Variants in PLEKHB2 observed in about 807,000 individuals in gnomAD.
The protein encoded by PLEKHB2 is pleckstrin homology domain containing B2, also known as pleckstrin homology domain-containing family B member 2.
Under a neutral mutation model 36.5 loss-of-function variants are expected in PLEKHB2, and 31 were observed. That is an observed-to-expected ratio of 0.85 (90% CI 0.64 to 1.15). PLEKHB2 has a LOEUF of 1.15. Among genes scored for constraint, PLEKHB2 ranks in the 50% most tolerant of loss-of-function variants. The probability of loss-of-function intolerance (pLI) is 0.00; values close to 1 mark genes in which losing one functional copy is unlikely to be tolerated. For missense variants in PLEKHB2, 262 were observed against 295.3 expected, an observed-to-expected ratio of 0.89 and a Z score of 0.83; for synonymous variants, 119 against 112.0, an observed-to-expected ratio of 1.06 and a Z score of -0.39.
intron 5 of PLEKHB2, 97 bp from the exon 6 acceptor site, chr2:131,132,805 A>T (rs1471764256): frequency 8.3e-6 from 6 of 725,624 alleles, no homozygotes; most frequent in Admixed American, 6.8e-5. Flanking sequence ...TTGTTTTTTT[A>T]AATTTTTAAT....
intron 1 of PLEKHB2, among the ~76,000 whole-genome samples, chr2:131,116,106 T>C (rs1202368903): frequency 2.6e-5 from 4 of 152,236 alleles, no homozygotes; most frequent in Non-Finnish European, 5.9e-5. Context: ...GTTTAAGTTC[T>C]TTTCTGTCTC....
At chr2:131,146,579 G>T in intron 7 of PLEKHB2, 58 bp from the exon 8 acceptor site, 1 of 1,540,072 alleles carries the variant, frequency 6.5e-7, no homozygotes. Context: ...GGTACTTTGC[G>T]TGATGTTAAA....
intron 6 of PLEKHB2, among the ~76,000 whole-genome samples, chr2:131,133,554 A>G (rs1697935208): frequency 6.6e-6 from 1 of 152,224 alleles, no homozygotes; most frequent in South Asian, 2.1e-4. Context: ...TTAATATTCG[A>G]TCAAATTAAA....
intron 2 of PLEKHB2, among the ~76,000 whole-genome samples, chr2:131,122,456 C>T (rs1167819987): frequency 6.6e-6 from 1 of 152,154 alleles, no homozygotes; most frequent in Non-Finnish European, 1.5e-5. Context: ...TGATGGCATA[C>T]CTGAGATGGT....
intron 1 of PLEKHB2, among the ~76,000 whole-genome samples, chr2:131,107,156 A>G (rs933569233): frequency 3.9e-5 from 6 of 152,242 alleles, no homozygotes; most frequent in Non-Finnish European, 8.8e-5. Context: ...AAGAAATTAA[A>G]GAATTACCTT....
At chr2:131,110,888 C>T (rs112822050) in intron 1 of PLEKHB2, among the ~76,000 whole-genome samples, 3,271 of 152,216 alleles carry the variant, frequency 0.021, 118 homozygotes, top group African/African-American at 0.074. Flanking sequence ...ATTCATCATG[C>T]TGGACAGTCA....
intron 4 of PLEKHB2, among the ~76,000 whole-genome samples, chr2:131,129,849 T>C (rs1348442494): frequency 6.6e-6 from 1 of 151,918 alleles, no homozygotes; most frequent in Non-Finnish European, 1.5e-5. Context: ...AGATATCTAG[T>C]TTTTTTTGAC....
chr2:131,114,733 A>G (rs559012596), intron 1 of PLEKHB2, among the ~76,000 whole-genome samples: 2 of 152,176 alleles, frequency 1.3e-5, no homozygotes, highest in Admixed American at 6.5e-5. Context: ...CCAGTTCCCA[A>G]CTAGTTCCTC....
intron 6 of PLEKHB2, among the ~76,000 whole-genome samples, chr2:131,136,867 G>A (rs1398286768): frequency 6.6e-6 from 1 of 151,576 alleles, no homozygotes; most frequent in Non-Finnish European, 1.5e-5. Flanking sequence ...AATCTCCAGT[G>A]AAACTGTCAG....
chr2:131,121,624 C>T lies in PLEKHB2; in HGVS notation c.37+646C>T, dbSNP rs528503676. 2.0e-5 allele frequency among the ~76,000 whole-genome samples: 3 copies of T among 152,268 alleles called. No individual in the cohort carries two copies. The South Asian group carries it at 6.2e-4, about 32-fold the overall frequency. ...CAGCTGAGATACTGGAACAGAGGTG[C>T]TGGTCTCTCTGCCTGTCTTATCTGG... On this transcript the variant is annotated intron_variant, in intron 2 of 7. Transcript: ENST00000693505.
intron 2 of PLEKHB2, among the ~76,000 whole-genome samples, chr2:131,121,998 A>G (rs1170603173): frequency 6.6e-6 from 1 of 152,118 alleles, no homozygotes; most frequent in Non-Finnish European, 1.5e-5. Context: ...TCCCAGGTTC[A>G]AGTAATTCTC....
chr2:131,124,759 C>G (rs1696923812), intron 2 of PLEKHB2, among the ~76,000 whole-genome samples: 1 of 151,100 alleles, frequency 6.6e-6, no homozygotes. Flanking sequence ...TGTGAAAACT[C>G]TTAAGGACAA....
In PLEKHB2 at chr2:131,125,758, A is replaced by G; in HGVS notation, c.43A>G (p.Ile15Val). 2 of 1,595,944 alleles carry G rather than the reference A, an allele frequency of 1.3e-6. No homozygotes were observed. The highest frequency in any genetic ancestry group is 1.7e-6 in the Non-Finnish European group (2 of 1,173,570). ...GTACTATTTTTTTTTTCCAGGTACT[A>G]TTTTGAAGCGCTGGAAGAAGAACTG... ...KSGWLLRQST[I>V]LKRWKKNWFD... is the part of the protein sequence containing the mutation. Residue 15 changes from isoleucine to valine, a missense_variant, in exon 3 of 8, where the codon ATT becomes GTT. Ile to Val is a conservative substitution (Grantham distance 29, BLOSUM62 3). Transcript: ENST00000693505.
rs1194291421 is a variant in PLEKHB2 at position 131,125,919 on chromosome 2, T to C, written c.190+14T>C. On this transcript the variant is annotated intron_variant, in intron 3 of 7. Coordinates refer to ENST00000693505, the MANE Select transcript of PLEKHB2 (RefSeq NM_001100623.2). Reference sequence around the variant, plus strand: ...AGGAATGTCGGGGTAAGCTGGCCTGTCTTGGCCAACTTCTGTCTTCTGCTC... The same window carrying C: ...AGGAATGTCGGGGTAAGCTGGCCTGCCTTGGCCAACTTCTGTCTTCTGCTC... The C allele has an allele frequency of 1.2e-6, 2 of 1,609,966 alleles. No homozygotes were observed. Among genetic ancestry groups the C allele is most frequent in the African/African-American group, 1.3e-5 (1 of 74,738 alleles).
intron 4 of PLEKHB2, among the ~76,000 whole-genome samples, chr2:131,127,611 C>A (rs953544463): frequency 7.2e-5 from 11 of 152,298 alleles, no homozygotes; most frequent in Admixed American, 3.9e-4. Context: ...GATTAGAGAT[C>A]ATCTTCCCTG....
At chr2:131,129,038 A>G (rs1316746404) in intron 4 of PLEKHB2, among the ~76,000 whole-genome samples, 1 of 152,230 alleles carries the variant, frequency 6.6e-6, no homozygotes, top group Non-Finnish European at 1.5e-5. Context: ...AAGCTAGAAC[A>G]CTTGGGCTGG....
chr2:131,130,690 T>G, intron 4 of PLEKHB2, 31 bp from the exon 5 acceptor site: 1 of 1,545,498 alleles, frequency 6.5e-7, no homozygotes, highest in Non-Finnish European at 8.9e-7. Context: ...TTGGATTGCC[T>G]TAAATAAAGT....
chr2:131,108,653 C>T (rs909662521), intron 1 of PLEKHB2, among the ~76,000 whole-genome samples: 1 of 152,124 alleles, frequency 6.6e-6, no homozygotes, highest in African/African-American at 2.4e-5. Flanking sequence ...AATCTCATAA[C>T]GTTTTAAGAA....
rs1697673712 is a variant in PLEKHB2 at position 131,131,492 on chromosome 2, T to TG, written c.333+733dup. 2.0e-5 allele frequency among the ~76,000 whole-genome samples: 3 copies of TG among 152,296 alleles called. No individual in the cohort carries two copies. The East Asian group carries it at 5.8e-4, about 29-fold the overall frequency. On this transcript the variant is annotated intron_variant, in intron 5 of 7. Coordinates refer to ENST00000693505, the MANE Select transcript of PLEKHB2 (RefSeq NM_001100623.2). ...GAACCTCATTTGTAGAGCCTCGTAATGCTGTCTTTATCTGTCAGTGATCAA... is the reference window on the plus strand; with the variant it reads ...GAACCTCATTTGTAGAGCCTCGTAATGGCTGTCTTTATCTGTCAGTGATCAA...
Sources: gnomAD v4.1 joint callset for allele counts (sites outside exome capture counted in the v4.1 genomes callset) on GRCh38, gnomAD v4.1.1 for gene constraint, MANE v1.5 for transcripts, NCBI Gene and HGNC (gene_info 2026-07-23, HGNC 2026-07-21) for gene names.